Variants in PRKN observed in about 807,000 individuals in gnomAD.
PRKN encodes the protein parkin RBR E3 ubiquitin protein ligase.
PRKN carries 56 observed loss-of-function variants against 59.5 expected under a neutral mutation model. That is an observed-to-expected ratio of 0.94 (90% CI 0.76 to 1.18). PRKN has a LOEUF of 1.18. Among genes scored for constraint, PRKN ranks in the 50% most tolerant of loss-of-function variants. The probability of loss-of-function intolerance (pLI) is 0.00; values close to 1 mark genes in which losing one functional copy is unlikely to be tolerated. For synonymous variants in PRKN, 250 were observed against 222.1 expected, an observed-to-expected ratio of 1.13 and a Z score of -1.12; for missense variants, 657 against 596.4, an observed-to-expected ratio of 1.10 and a Z score of -1.06.
At chr6:161,665,242 A>C (rs1216474261) in intron 7 of PRKN, among the ~76,000 whole-genome samples, 1 of 152,130 alleles carries the variant, frequency 6.6e-6, no homozygotes, top group Non-Finnish European at 1.5e-5. Context: ...TAAATCTGGG[A>C]TATGGCTATT....
intron 4 of PRKN, among the ~76,000 whole-genome samples, chr6:162,068,135 G>A (rs113610198): frequency 2.0e-4 from 30 of 152,030 alleles, no homozygotes; most frequent in African/African-American, 5.8e-4. Context: ...AAATGTGTAC[G>A]GACATACATT....
At chr6:162,368,654 A>G (rs1785582868) in intron 2 of PRKN, among the ~76,000 whole-genome samples, 1 of 152,120 alleles carries the variant, frequency 6.6e-6, no homozygotes, top group African/African-American at 2.4e-5. Context: ...TTCTCACTGA[A>G]TGTATAGAAC....
At chr6:161,649,609 T>G (rs1487847003) in intron 7 of PRKN, among the ~76,000 whole-genome samples, 1 of 152,178 alleles carries the variant, frequency 6.6e-6, no homozygotes, top group Admixed American at 6.5e-5. Context: ...ATAAGAGACT[T>G]TTGTGTTTTA....
intron 6 of PRKN, among the ~76,000 whole-genome samples, chr6:161,809,161 T>C (rs564311317): frequency 3.9e-4 from 59 of 152,320 alleles, no homozygotes; most frequent in African/African-American, 1.3e-3. Flanking sequence ...CATTTAACTT[T>C]AAAGTTGAAA....
chr6:162,727,704 A>G lies in PRKN; in HGVS notation c.-36T>C, dbSNP rs978494336. ...TAGGTGGCGGCTGCGGGCCAGGAAC[A>G]GGCCCATGCGCGCAGCGGCGCCAGC... On this transcript the variant is annotated 5_prime_UTR_variant, in exon 1 of 12. Transcript: ENST00000366898. The G allele has an allele frequency of 3.8e-6, 6 of 1,561,514 alleles. No individual in the cohort carries two copies. In the African/African-American group the frequency reaches 8.2e-5, roughly 21 times the overall value.
intron 6 of PRKN, among the ~76,000 whole-genome samples, chr6:161,900,912 G>GTA (rs59141220): frequency 5.8e-4 from 57 of 97,828 alleles, no homozygotes; most frequent in Admixed American, 2.2e-3. Context: ...ATGTTAAATT[G>GTA]TATATATATA....
intron 7 of PRKN, among the ~76,000 whole-genome samples, chr6:161,611,796 C>T (rs895413747): frequency 2.6e-5 from 4 of 152,184 alleles, no homozygotes; most frequent in African/African-American, 9.7e-5. Context: ...AATGATTAAG[C>T]TTGGTGAGGA....
intron 2 of PRKN, among the ~76,000 whole-genome samples, chr6:162,409,057 C>T (rs1788215372): frequency 6.6e-6 from 1 of 152,064 alleles, no homozygotes. Context: ...GTTTCTTTCA[C>T]AAATAAAGGA....
chr6:162,287,261 T>A lies in PRKN; in HGVS notation c.172-24496A>T, dbSNP rs572529245. On this transcript the variant is annotated intron_variant, in intron 2 of 11. Transcript: ENST00000366898. ...GTCTGTGAGGAAAAGACATGATGTC[T>A]CCCTATAAAAATTCACTGCACATTG... Among the ~76,000 whole-genome samples, 64 of 152,252 alleles carry A rather than the reference T, an allele frequency of 4.2e-4. 1 individual carries two copies. Among genetic ancestry groups the A allele is most frequent in the African/African-American group, 1.5e-3 (62 of 41,548 alleles).
At chr6:161,700,293 C>T (rs1487719966) in intron 7 of PRKN, among the ~76,000 whole-genome samples, 1 of 152,096 alleles carries the variant, frequency 6.6e-6, no homozygotes, top group African/African-American at 2.4e-5. Context: ...TTCCTTCTAA[C>T]CTCTTTGATC....
chr6:161,824,566 C>T (rs998052375), intron 6 of PRKN, among the ~76,000 whole-genome samples: 2 of 152,082 alleles, frequency 1.3e-5, no homozygotes, highest in Non-Finnish European at 2.9e-5. Context: ...CTTACTGTAT[C>T]GGAAACATCT....
At chr6:162,310,459 G>T (rs1182688280) in intron 2 of PRKN, among the ~76,000 whole-genome samples, 1 of 152,100 alleles carries the variant, frequency 6.6e-6, no homozygotes, top group East Asian at 1.9e-4. Context: ...GCGGCCTGCA[G>T]CAAGAAAATG....
chr6:162,292,404 C>G (rs1327911024), intron 2 of PRKN, among the ~76,000 whole-genome samples: 1 of 152,068 alleles, frequency 6.6e-6, no homozygotes, highest in Non-Finnish European at 1.5e-5. Context: ...CCCTTTTGTA[C>G]CCTGTAGCTT....
chr6:161,694,285 T>C (rs1785925197), intron 7 of PRKN, among the ~76,000 whole-genome samples: 1 of 152,196 alleles, frequency 6.6e-6, no homozygotes, highest in Admixed American at 6.5e-5. Flanking sequence ...TAACCCATCA[T>C]AGTGGATCAA....
chr6:162,292,429 T>C (rs1781478856), intron 2 of PRKN, among the ~76,000 whole-genome samples: 1 of 152,086 alleles, frequency 6.6e-6, no homozygotes, highest in Admixed American at 6.6e-5. Flanking sequence ...CCTTAAAGGC[T>C]CCACCTACAG....
At chr6:162,697,754 T>G (rs1022223709) in intron 1 of PRKN, among the ~76,000 whole-genome samples, 6 of 152,188 alleles carry the variant, frequency 3.9e-5, no homozygotes, top group African/African-American at 1.2e-4. Context: ...ATCTAACCAT[T>G]TTTACATTAT....
chr6:162,352,944 A>G (rs2128131626), intron 2 of PRKN, among the ~76,000 whole-genome samples: 1 of 152,332 alleles, frequency 6.6e-6, no homozygotes, highest in Non-Finnish European at 1.5e-5. Context: ...GCTTACTTTA[A>G]AACAAAAATG....
intron 7 of PRKN, among the ~76,000 whole-genome samples, chr6:161,649,051 AGTTT>A (rs1784059510): frequency 6.6e-6 from 1 of 152,220 alleles, no homozygotes; most frequent in Non-Finnish European, 1.5e-5. Flanking sequence ...TGTAATTATT[AGTTT>A]AATTATTATA....
intron 7 of PRKN, among the ~76,000 whole-genome samples, chr6:161,711,980 C>T (rs1014757318): frequency 1.3e-5 from 2 of 151,324 alleles, no homozygotes; most frequent in African/African-American, 4.9e-5. Context: ...GGCTTTTTTG[C>T]TCCTCAACTT....
Sources: allele counts gnomAD v4.1 joint callset (sites outside exome capture counted in the v4.1 genomes callset), GRCh38; gene constraint gnomAD v4.1.1; transcripts MANE v1.5; gene names NCBI Gene and HGNC (gene_info 2026-07-23, HGNC 2026-07-21).